Variants in CD2AP observed in about 807,000 individuals in gnomAD.
The protein encoded by CD2AP is CD2-associated protein.
A neutral mutation model predicts 85.1 loss-of-function variants in CD2AP; 46 were observed. That is an observed-to-expected ratio of 0.54 (90% CI 0.43 to 0.69). CD2AP has a LOEUF of 0.69. CD2AP is among the 30% of genes least tolerant of loss of function. The pLI is 0.00. For synonymous variants in CD2AP, 255 were observed against 252.9 expected (o/e 1.01, Z -0.08); for missense variants, 769 against 729.5 (o/e 1.05, Z -0.62).
chr6:47,618,408 G>A (rs915723228), intron 17 of CD2AP, among the ~76,000 whole-genome samples: 2 of 152,016 alleles, frequency 1.3e-5, no homozygotes, highest in Non-Finnish European at 2.9e-5. Context: ...CACTGTTAGG[G>A]TATGTACTTA....
At chr6:47,573,262 G>C (rs1430512697) in intron 5 of CD2AP, among the ~76,000 whole-genome samples, 1 of 152,016 alleles carries the variant, frequency 6.6e-6, no homozygotes, top group Admixed American at 6.6e-5. Flanking sequence ...TGACTGCTTT[G>C]AAATTAGACC....
chr6:47,620,850 G>C (rs943305538), intron 17 of CD2AP, among the ~76,000 whole-genome samples: 4 of 152,074 alleles, frequency 2.6e-5, no homozygotes, highest in Admixed American at 6.6e-5. Context: ...TTCTCTGCTT[G>C]GTTGTTGTTG....
intron 2 of CD2AP, among the ~76,000 whole-genome samples, chr6:47,513,552 CT>C (rs141059861): frequency 0.016 from 2,377 of 150,828 alleles, 43 homozygotes; most frequent in African/African-American, 0.039. Flanking sequence ...GTTTTTTTTT[CT>C]CCCAGAATGC....
In CD2AP at chr6:47,478,194, A is replaced by G; in HGVS notation, c.-51A>G. 1.1e-5 allele frequency: 17 copies of G among 1,554,378 alleles called. No homozygotes were observed. Among genetic ancestry groups the G allele is most frequent in the Non-Finnish European group, 1.5e-5 (17 of 1,148,768 alleles). The stretch of plus-strand genomic sequence containing the variant: ...GAGCGGCCGCGCGAGCCACCACTGG[A>G]GGAGGAGGAGGAGGAGCGGACGTCG... On this transcript the variant is annotated 5_prime_UTR_variant, in exon 1 of 18. Coordinates refer to ENST00000359314, the MANE Select transcript of CD2AP (RefSeq NM_012120.3).
chr6:47,541,682 C>T (rs1767220666), intron 3 of CD2AP, among the ~76,000 whole-genome samples: 1 of 152,162 alleles, frequency 6.6e-6, no homozygotes, highest in Non-Finnish European at 1.5e-5. Context: ...CGTAGATTCA[C>T]AGAATGTCAG....
chr6:47,549,720 C>G (rs973308789), intron 4 of CD2AP, among the ~76,000 whole-genome samples: 2 of 151,988 alleles, frequency 1.3e-5, no homozygotes, highest in African/African-American at 4.8e-5. Flanking sequence ...TTCTAAAATT[C>G]ATATGGAACC....
At chr6:47,587,366 C>G (rs1396178382) in intron 11 of CD2AP, among the ~76,000 whole-genome samples, 4 of 152,168 alleles carry the variant, frequency 2.6e-5, no homozygotes, top group Admixed American at 1.3e-4. Context: ...CTATTTTGGA[C>G]TCTTAAGTGA....
rs963154030 is a variant in CD2AP at position 47,503,566 on chromosome 6, A to G, written c.165+126A>G. Reference sequence around the variant, plus strand: ...ATGTTTTCTTTGTAACATTTAAGAAAATAGAGTCCAGGTACCTCTATAATG... The same window carrying G: ...ATGTTTTCTTTGTAACATTTAAGAAGATAGAGTCCAGGTACCTCTATAATG... On this transcript the variant is annotated intron_variant, in intron 2 of 17. Transcript: ENST00000359314. 79 of 861,478 alleles carry G rather than the reference A, an allele frequency of 9.2e-5. 1 individual carries two copies. The Middle Eastern group carries it at 2.4e-3, about 26-fold the overall frequency. The allele number at this position is 861,478 out of a possible 1,614,324, so 53.4% of individuals were successfully genotyped here. A position where few individuals can be genotyped will look rare whatever the true frequency, so the allele number is the denominator to read the frequency against.
At chr6:47,610,972 T>TATATATATATATATATATATATATATATA (rs1491427733) in intron 16 of CD2AP, among the ~76,000 whole-genome samples, 14 of 56,298 alleles carry the variant, frequency 2.5e-4, no homozygotes, top group South Asian at 1.2e-3. Flanking sequence ...TATATATGTA[T>TATATATATATATATATATATATATATATA]TTTTTTTTTT....
At chr6:47,550,575 C>T (rs929278639) in intron 4 of CD2AP, among the ~76,000 whole-genome samples, 3 of 151,960 alleles carry the variant, frequency 2.0e-5, no homozygotes, top group African/African-American at 7.3e-5. Flanking sequence ...GGGAACAGTT[C>T]TATACTTCTG....
intron 17 of CD2AP, among the ~76,000 whole-genome samples, chr6:47,622,075 G>T (rs1561837224): frequency 6.6e-6 from 1 of 152,210 alleles, no homozygotes; most frequent in South Asian, 2.1e-4. Context: ...GTGTAGCTAG[G>T]AGGAATATGG....
chr6:47,490,174 G>T (rs1765692733), intron 1 of CD2AP, among the ~76,000 whole-genome samples: 1 of 151,948 alleles, frequency 6.6e-6, no homozygotes, highest in South Asian at 2.1e-4. Context: ...GTAGACATAG[G>T]GTCTTGCCAT....
In CD2AP at chr6:47,477,907, T is replaced by C; in HGVS notation, c.-338T>C. ...GCGCTCGGGGTTGGAGCCGAGGGTC[T>C]GGGCAAACCGGTGGGTCCCTCCCCA... On this transcript the variant is annotated 5_prime_UTR_variant, in exon 1 of 18. Coordinates refer to ENST00000359314, the MANE Select transcript of CD2AP (RefSeq NM_012120.3). 2.3e-6 allele frequency: 1 copy of C among 436,480 alleles called. No individual in the cohort carries two copies. Among genetic ancestry groups the C allele is most frequent in the Non-Finnish European group, 4.1e-6 (1 of 244,592 alleles). The allele number at this position is 436,480 out of a possible 1,614,324, so 27.0% of individuals were successfully genotyped here.
At chr6:47,517,196 A>G (rs1288626771) in intron 2 of CD2AP, among the ~76,000 whole-genome samples, 2 of 151,854 alleles carry the variant, frequency 1.3e-5, no homozygotes, top group South Asian at 2.1e-4. Context: ...TTCTTCTGCC[A>G]TGATTGGAAG....
chr6:47,597,257 G>A (rs1317811024), intron 12 of CD2AP, among the ~76,000 whole-genome samples: 1 of 150,854 alleles, frequency 6.6e-6, no homozygotes, highest in Non-Finnish European at 1.5e-5. Context: ...AGCAGACGAA[G>A]AGGTGAAGGA....
chr6:47,543,429 A>G (rs1368375413), intron 3 of CD2AP, among the ~76,000 whole-genome samples: 1 of 152,204 alleles, frequency 6.6e-6, no homozygotes, highest in Non-Finnish European at 1.5e-5. Flanking sequence ...TTCAAAATTC[A>G]GTCTGCTAGG....
chr6:47,625,131 T>C lies in CD2AP; in HGVS notation c.*904T>C, dbSNP rs1769876416. 1 of 151,906 alleles carries C rather than the reference T, an allele frequency of 6.6e-6. No individual in the cohort carries two copies. The highest frequency in any genetic ancestry group is 2.1e-4 in the South Asian group (1 of 4,830). The allele number at this position is 151,906 out of a possible 1,614,324, so 9.4% of individuals were successfully genotyped here. Reference sequence around the variant, plus strand: ...GTACTTTTCTGCTTATTTTACAGCCTCAAATATTTCTCATTATCTTGTCAC... The same window carrying C: ...GTACTTTTCTGCTTATTTTACAGCCCCAAATATTTCTCATTATCTTGTCAC... On this transcript the variant is annotated 3_prime_UTR_variant, in exon 18 of 18. Coordinates refer to ENST00000359314, the MANE Select transcript of CD2AP (RefSeq NM_012120.3).
chr6:47,552,366 A>G (rs111256659), intron 4 of CD2AP, among the ~76,000 whole-genome samples: 287 of 151,716 alleles, frequency 1.9e-3, no homozygotes, highest in African/African-American at 6.8e-3. Context: ...CTCATAGCTT[A>G]GCTCCCACAT....
chr6:47,512,186 C>A (rs2113994558), intron 2 of CD2AP, among the ~76,000 whole-genome samples: 1 of 150,624 alleles, frequency 6.6e-6, no homozygotes, highest in Non-Finnish European at 1.5e-5. Flanking sequence ...AAATAAAATA[C>A]AAAAAATTCG....
Sources: gnomAD v4.1 joint callset for allele counts (sites outside exome capture counted in the v4.1 genomes callset) on GRCh38, gnomAD v4.1.1 for gene constraint, MANE v1.5 for transcripts, NCBI Gene and HGNC (gene_info 2026-07-23, HGNC 2026-07-21) for gene names.